Variants in PCSK5 observed in about 807,000 individuals in gnomAD.
PCSK5 encodes the protein prohormone convertase 5.
In PCSK5, 129 loss-of-function variants were observed where a neutral mutation model predicts 233.2. The ratio of observed to expected loss-of-function variants is 0.55; its 90% CI spans 0.48 to 0.64. The LOEUF (loss-of-function observed/expected upper bound fraction) is 0.64, where lower values mean the gene tolerates loss of function less well. Among genes scored for constraint, PCSK5 ranks in the 30% least tolerant of loss-of-function variants. The pLI, the probability that PCSK5 is intolerant of heterozygous loss-of-function variation, is 0.00. For missense variants in PCSK5, 2,076 were observed against 2,430.1 expected, an observed-to-expected ratio of 0.85 and a Z score of 3.06; for synonymous variants, 825 against 879.2, an observed-to-expected ratio of 0.94 and a Z score of 1.09.
intron 5 of PCSK5, among the ~76,000 whole-genome samples, chr9:76,043,812 T>C (rs955754020): frequency 3.3e-5 from 5 of 152,146 alleles, no homozygotes; most frequent in Non-Finnish European, 5.9e-5. Context: ...GCTCAAGCAA[T>C]CCACCGGTCT....
intron 8 of PCSK5, among the ~76,000 whole-genome samples, chr9:76,097,542 A>G (rs1831588590): frequency 6.6e-6 from 1 of 152,092 alleles, no homozygotes; most frequent in Admixed American, 6.5e-5. Context: ...CATATCCTGC[A>G]CTCTAGGCAA....
intron 24 of PCSK5, among the ~76,000 whole-genome samples, chr9:76,255,309 T>A (rs909605351): frequency 1.3e-5 from 2 of 151,884 alleles, no homozygotes; most frequent in African/African-American, 2.4e-5. Flanking sequence ...AAAATAATTT[T>A]AAAAAACTCC....
At chr9:76,011,276 G>T (rs1285566977) in intron 3 of PCSK5, among the ~76,000 whole-genome samples, 1 of 152,084 alleles carries the variant, frequency 6.6e-6, no homozygotes. Context: ...ATGCATTATG[G>T]GATCCTTCAT....
intron 1 of PCSK5, among the ~76,000 whole-genome samples, chr9:75,900,951 CAGTG>C (rs1420584237): frequency 2.0e-5 from 3 of 151,914 alleles, no homozygotes; most frequent in Non-Finnish European, 4.4e-5. Context: ...AGGAGAAACA[CAGTG>C]AGCACGTGGG....
At chr9:76,191,133 A>G (rs570191071) in intron 20 of PCSK5, among the ~76,000 whole-genome samples, 17 of 152,366 alleles carry the variant, frequency 1.1e-4, no homozygotes, top group Admixed American at 1.0e-3. Context: ...TTACATGCCA[A>G]TGATGTAGAA....
chr9:75,897,913 T>C (rs1359997335), intron 1 of PCSK5, among the ~76,000 whole-genome samples: 1 of 152,122 alleles, frequency 6.6e-6, no homozygotes, highest in East Asian at 1.9e-4. Context: ...GATGGGACCT[T>C]TTTCAGGTAC....
At chr9:76,074,522 A>G (rs1294147972) in intron 7 of PCSK5, among the ~76,000 whole-genome samples, 2 of 152,184 alleles carry the variant, frequency 1.3e-5, no homozygotes, top group East Asian at 3.8e-4. Context: ...GGTCAAGAAG[A>G]TAGTGTTTTC....
intron 2 of PCSK5, among the ~76,000 whole-genome samples, chr9:75,972,379 T>C (rs1234459724): frequency 6.6e-6 from 1 of 152,236 alleles, no homozygotes; most frequent in African/African-American, 2.4e-5. Context: ...TATGGTTCCA[T>C]ATGAATTTTA....
At chr9:76,320,623 G>A (rs2131457970) in intron 30 of PCSK5, among the ~76,000 whole-genome samples, 1 of 144,958 alleles carries the variant, frequency 6.9e-6, no homozygotes, top group Non-Finnish European at 1.5e-5. Context: ...ACAGGCGCAA[G>A]CCATCACACC....
chr9:76,234,625 A>G (rs991649943), intron 22 of PCSK5, among the ~76,000 whole-genome samples: 1 of 152,218 alleles, frequency 6.6e-6, no homozygotes, highest in African/African-American at 2.4e-5. Flanking sequence ...GTCATATTTT[A>G]CTTCTAGACT....
chr9:76,292,208 ACTTT>A (rs765453622), intron 24 of PCSK5, 21 bp from the exon 25 acceptor site: 2 of 1,384,842 alleles, frequency 1.4e-6, no homozygotes, highest in South Asian at 2.4e-5. Context: ...CATGATTATT[ACTTT>A]TTATTATTTT....
At chr9:76,012,891 G>T (rs548943224) in intron 3 of PCSK5, among the ~76,000 whole-genome samples, 1 of 152,228 alleles carries the variant, frequency 6.6e-6, no homozygotes, top group African/African-American at 2.4e-5. Flanking sequence ...AATTGCTTCA[G>T]ATTTCTTATA....
intron 3 of PCSK5, among the ~76,000 whole-genome samples, chr9:75,996,383 T>C (rs1393789087): frequency 6.6e-6 from 1 of 152,214 alleles, no homozygotes; most frequent in African/African-American, 2.4e-5. Context: ...GAGCATTTTA[T>C]GGGTAGGGAT....
chr9:75,965,180 G>A (rs1825521753), intron 2 of PCSK5, among the ~76,000 whole-genome samples: 1 of 152,128 alleles, frequency 6.6e-6, no homozygotes, highest in Non-Finnish European at 1.5e-5. Context: ...AGTACGCACT[G>A]TATTAGGGTT....
At chr9:76,167,936 CCTCT>C (rs930082166) in intron 12 of PCSK5, among the ~76,000 whole-genome samples, 40 of 152,208 alleles carry the variant, frequency 2.6e-4, no homozygotes, top group Admixed American at 1.0e-3. Context: ...AGATATTTTT[CCTCT>C]CTGTTTGCCT....
intron 7 of PCSK5, among the ~76,000 whole-genome samples, chr9:76,084,144 G>C (rs538315311): frequency 6.6e-6 from 1 of 152,158 alleles, no homozygotes; most frequent in Admixed American, 6.5e-5. Flanking sequence ...CATTAACAAA[G>C]CTAAGACTTG....
At chr9:76,303,484 T>A (rs867793587) in intron 28 of PCSK5, among the ~76,000 whole-genome samples, 16 of 152,366 alleles carry the variant, frequency 1.1e-4, no homozygotes, top group South Asian at 6.2e-4. Context: ...AAAACTCATG[T>A]CTTTATAAAT....
At chr9:76,013,937 T>G (rs191250635) in intron 3 of PCSK5, among the ~76,000 whole-genome samples, 33 of 151,900 alleles carry the variant, frequency 2.2e-4, no homozygotes, top group African/African-American at 7.8e-4. Context: ...CCCATAATTT[T>G]TTCTCAACTT....
intron 15 of PCSK5, among the ~76,000 whole-genome samples, chr9:76,181,137 T>C (rs1823853226): frequency 6.6e-6 from 1 of 152,216 alleles, no homozygotes; most frequent in South Asian, 2.1e-4. Context: ...ACCATCATCA[T>C]TTTTCAAGAG....
Sources: allele counts gnomAD v4.1 joint callset (sites outside exome capture counted in the v4.1 genomes callset), GRCh38; gene constraint gnomAD v4.1.1; transcripts MANE v1.5; gene names NCBI Gene and HGNC (gene_info 2026-07-23, HGNC 2026-07-21).